The following MBD5 variants were observed in gnomAD, a reference collection of about 807,000 sequenced individuals.
MBD5 encodes methyl-CpG binding domain protein 5.
A neutral mutation model predicts 117.3 loss-of-function variants in MBD5; 13 were observed. That is an observed-to-expected ratio of 0.11 (90% confidence interval 0.07 to 0.18). The LOEUF is 0.18. Ranked by LOEUF, MBD5 falls within the 10% of genes least tolerant of loss-of-function variation. The pLI is 1.00. For missense variants in MBD5, 1,879 were observed against 2,093.8 expected (o/e 0.90, Z 2.00); for synonymous variants, 727 against 766.4 (o/e 0.95, Z 0.85).
In MBD5 at chr2:148,510,102, G is replaced by A. The variant is rs752322337; in HGVS notation, c.5079G>A (p.Glu1693=). ...LNNHLEAAIH[E]AMSELDKMSG... ...ACCATTTAGAAGCTGCTATTCATGA[G>A]GCCATGAGTGAACTGGACAAAATGT... Residue 1693 remains glutamate (E), a synonymous_variant, in exon 13 of 14, where the codon GAG becomes GAA. Coordinates refer to ENST00000642680, the MANE Select transcript of MBD5 (RefSeq NM_001378120.1). The A allele has an allele frequency of 1.1e-5, 17 of 1,612,892 alleles. No homozygotes were observed. The South Asian group carries it at 1.2e-4, about 11-fold the overall frequency.
intron 1 of MBD5, among the ~76,000 whole-genome samples, chr2:148,127,276 G>A (rs1158137054): frequency 2.0e-5 from 3 of 152,136 alleles, no homozygotes; most frequent in African/African-American, 7.2e-5. Context: ...CGCAGGATAT[G>A]CAGGTTGGTT....
rs1396512077 is a variant in MBD5, at chr2:148,490,373, T to A, written c.4741T>A (p.Cys1581Ser). 6.2e-7 allele frequency: 1 copy of A among 1,614,050 alleles called. No individual in the cohort carries two copies. The highest frequency in any genetic ancestry group is 2.2e-5 in the East Asian group (1 of 44,892). ...CTTTAATGCCAAAAGCGTTAATGGG[T>A]GTGTGCCTAGCCCTTCAGATGCTAA... ...GDFNAKSVNG[C>S]VPSPSDAKSI... The change falls in exon 11 of 14, where the codon TGT becomes AGT. Residue 1581 changes from cysteine (C) to serine (S), a missense_variant. Cys to Ser is a moderately radical substitution (Grantham distance 112). Transcript: ENST00000642680.
At chr2:148,474,793 C>T (rs942595533) in intron 8 of MBD5, among the ~76,000 whole-genome samples, 36 of 152,010 alleles carry the variant, frequency 2.4e-4, no homozygotes, top group African/African-American at 8.5e-4. Flanking sequence ...CTCAGGACAG[C>T]CATTAATATG....
At chr2:148,143,575 C>A (rs1697369254) in intron 1 of MBD5, among the ~76,000 whole-genome samples, 1 of 152,220 alleles carries the variant, frequency 6.6e-6, no homozygotes, top group Non-Finnish European at 1.5e-5. Flanking sequence ...TGCTGCACCC[C>A]TTAACTCGTC....
intron 3 of MBD5, among the ~76,000 whole-genome samples, chr2:148,340,833 CACAT>C (rs1229730135): frequency 2.1e-5 from 2 of 94,182 alleles, no homozygotes; most frequent in African/African-American, 3.9e-5. Context: ...TTTTAAACCA[CACAT>C]ACACACACAC....
intron 1 of MBD5, among the ~76,000 whole-genome samples, chr2:148,101,697 T>C (rs967137693): frequency 6.6e-6 from 1 of 152,182 alleles, no homozygotes; most frequent in Non-Finnish European, 1.5e-5. Flanking sequence ...CTTCATCTTA[T>C]TGCACTATGC....
chr2:148,488,833 C>T (rs1338215430), intron 10 of MBD5, among the ~76,000 whole-genome samples: 5 of 151,988 alleles, frequency 3.3e-5, no homozygotes, highest in East Asian at 3.9e-4. Context: ...GGGGATGTGG[C>T]CTGAAAAGGT....
intron 1 of MBD5, among the ~76,000 whole-genome samples, chr2:148,104,729 T>C (rs1467409795): frequency 6.6e-6 from 1 of 152,200 alleles, no homozygotes. Flanking sequence ...CTTTGGAATA[T>C]GTCTTTGTTT....
At chr2:148,227,822 TC>T (rs953551214) in intron 2 of MBD5, among the ~76,000 whole-genome samples, 9 of 152,196 alleles carry the variant, frequency 5.9e-5, no homozygotes, top group Non-Finnish European at 1.0e-4. Context: ...CTTGAAGAGG[TC>T]CTTCACATCC....
chr2:148,420,920 G>A (rs934952007), intron 4 of MBD5, among the ~76,000 whole-genome samples: 1 of 151,954 alleles, frequency 6.6e-6, no homozygotes, highest in African/African-American at 2.4e-5. Context: ...GTAGTGACAG[G>A]GTTTTGCCAT....
chr2:148,356,820 A>C (rs1291522417), intron 4 of MBD5, among the ~76,000 whole-genome samples: 1 of 151,970 alleles, frequency 6.6e-6, no homozygotes, highest in East Asian at 1.9e-4. Flanking sequence ...CTCTGGCTGC[A>C]CAACTGTCAT....
In MBD5 at chr2:148,437,272, C is replaced by T. The variant is rs569735850; in HGVS notation, c.-556-20931C>T. 9.4e-3 allele frequency among the ~76,000 whole-genome samples: 1,432 copies of T among 152,264 alleles called. 21 individuals carry two copies. Among genetic ancestry groups the T allele is most frequent in the African/African-American group, 0.031 (1,291 of 41,560 alleles). On this transcript the variant is annotated intron_variant, in intron 4 of 13. Coordinates refer to ENST00000642680, the MANE Select transcript of MBD5 (RefSeq NM_001378120.1). ...CTGGGATTACAGGCATGAGCCACCACGCCCAGCCCATATGTTTTTATTTTT... is the reference window on the plus strand; with the variant it reads ...CTGGGATTACAGGCATGAGCCACCATGCCCAGCCCATATGTTTTTATTTTT...
intron 2 of MBD5, among the ~76,000 whole-genome samples, chr2:148,181,015 C>T (rs1331574493): frequency 6.6e-6 from 1 of 152,132 alleles, no homozygotes; most frequent in African/African-American, 2.4e-5. Flanking sequence ...TGAACCGCCA[C>T]ATGTCTATAT....
At chr2:148,183,453 C>T (rs1698576192) in intron 2 of MBD5, among the ~76,000 whole-genome samples, 1 of 151,916 alleles carries the variant, frequency 6.6e-6, no homozygotes, top group East Asian at 1.9e-4. Flanking sequence ...ATGTGTTTCA[C>T]CATTTTCAAT....
At position 148,135,518 on chromosome 2, in the gene MBD5, T is replaced by C. The variant is rs540582680; in HGVS notation, c.-924-43182T>C. 9.8e-5 allele frequency among the ~76,000 whole-genome samples: 15 copies of C among 152,314 alleles called. No homozygotes were observed. The South Asian group carries it at 2.1e-3, about 21-fold the overall frequency. ...GTTGATCATTCTTTTGTATTGCTTG[T>C]GTTAAAAGTTTTCTTCTATCTTCTC... On this transcript the variant is annotated intron_variant, in intron 1 of 13. Transcript: ENST00000642680.
At chr2:148,248,216 A>G (rs1365571358) in intron 3 of MBD5, among the ~76,000 whole-genome samples, 1 of 152,150 alleles carries the variant, frequency 6.6e-6, no homozygotes, top group East Asian at 1.9e-4. Flanking sequence ...AAGGGTACCT[A>G]GTAAAATCAG....
At chr2:148,323,541 A>T (rs1702350075) in intron 3 of MBD5, among the ~76,000 whole-genome samples, 1 of 152,088 alleles carries the variant, frequency 6.6e-6, no homozygotes. Flanking sequence ...CGCCATTCTA[A>T]CTGGTGTGAG....
chr2:148,276,306 T>C (rs984994883), intron 3 of MBD5, among the ~76,000 whole-genome samples: 1 of 152,054 alleles, frequency 6.6e-6, no homozygotes. Flanking sequence ...AGTGACAGAG[T>C]AAGACCCTAT....
At chr2:148,277,047 C>T (rs1047400022) in intron 3 of MBD5, among the ~76,000 whole-genome samples, 3 of 152,176 alleles carry the variant, frequency 2.0e-5, no homozygotes, top group Non-Finnish European at 4.4e-5. Flanking sequence ...CTTTCTTCAA[C>T]ATCACTCTTA....
Sources: allele counts gnomAD v4.1 joint callset (sites outside exome capture counted in the v4.1 genomes callset), GRCh38; gene constraint gnomAD v4.1.1; transcripts MANE v1.5; gene names NCBI Gene and HGNC (gene_info 2026-07-23, HGNC 2026-07-21).